ARID1B: variants seen among roughly 807,000 people sequenced by gnomAD.
ARID1B encodes the protein AT-rich interaction domain 1B, also known as AT-rich interactive domain-containing protein 1B.
Under a neutral mutation model 212.3 loss-of-function variants are expected in ARID1B, and 30 were observed. The observed-to-expected ratio is 0.14, with a 90% confidence interval of 0.11 to 0.19. ARID1B has a LOEUF of 0.19. Among genes scored for constraint, ARID1B ranks in the 10% least tolerant of loss-of-function variants. The pLI is 1.00. For synonymous variants in ARID1B, 1,402 were observed against 1,301.7 expected, an observed-to-expected ratio of 1.08 and a Z score of -1.66; for missense variants, 2,891 against 3,204.0, an observed-to-expected ratio of 0.90 and a Z score of 2.36.
intron 4 of ARID1B, among the ~76,000 whole-genome samples, chr6:156,958,319 T>G (rs966568584): frequency 1.3e-5 from 2 of 152,260 alleles, no homozygotes; most frequent in Non-Finnish European, 1.5e-5. Context: ...TAGGAATGAG[T>G]AATACTGATT....
At chr6:157,151,104 A>G (rs983000922) in intron 8 of ARID1B, 1 of 153,714 alleles carries the variant, frequency 6.5e-6, no homozygotes, top group East Asian at 1.9e-4. Flanking sequence ...CTGTCTGTGC[A>G]TGGCTTTCGG....
rs1185881393 is a variant in ARID1B at position 157,167,150 on chromosome 6, A to G, written c.3200A>G (p.Tyr1067Cys). Residue 1067 changes from tyrosine (Y) to cysteine (C), a missense_variant, in exon 9 of 20, where the codon TAC becomes TGC. By Grantham distance (194) the Tyr-to-Cys change is radical. Transcript: ENST00000636930. ...CTGATGAACACGCAGGCGCCGCCCT[A>G]CAGCATGGCGCCCGCCATGGTGAAC... is the stretch of plus-strand genomic sequence containing the variant. ...SSLMNTQAPP[Y>C]SMAPAMVNSS... is the part of the protein sequence containing the mutation. 1.2e-6 allele frequency: 2 copies of G among 1,610,032 alleles called. No homozygotes were observed. The highest frequency in any genetic ancestry group is 1.3e-5 in the African/African-American group (1 of 75,048).
chr6:156,802,285 A>G (rs1300399575), intron 1 of ARID1B, among the ~76,000 whole-genome samples: 1 of 152,238 alleles, frequency 6.6e-6, no homozygotes, highest in African/African-American at 2.4e-5. Flanking sequence ...TCATCATTAG[A>G]TGAAGCAAAA....
intron 4 of ARID1B, among the ~76,000 whole-genome samples, chr6:157,056,029 T>G (rs990594154): frequency 6.6e-6 from 1 of 152,216 alleles, no homozygotes; most frequent in Non-Finnish European, 1.5e-5. Flanking sequence ...GAATATCTCC[T>G]TTTATTAACA....
rs998341965 is a variant in ARID1B at position 157,137,758 on chromosome 6, C to A, written c.2761+4551C>A. On this transcript the variant is annotated intron_variant, in intron 7 of 19. Coordinates refer to ENST00000636930, the MANE Select transcript of ARID1B (RefSeq NM_001374828.1). ...CCTATGGGAGTCTGGGAAGGGCCAC[C>A]ACACACAGCCATATGGGTCGTGCTG... 1.7e-4 allele frequency among the ~76,000 whole-genome samples: 26 copies of A among 152,178 alleles called. 1 individual carries two copies. The highest frequency in any genetic ancestry group is 1.5e-5 in the Non-Finnish European group (1 of 68,036).
At chr6:157,065,973 A>G (rs901460427) in intron 4 of ARID1B, among the ~76,000 whole-genome samples, 3 of 152,194 alleles carry the variant, frequency 2.0e-5, no homozygotes, top group Non-Finnish European at 2.9e-5. Context: ...CAGGACCCCA[A>G]AAGCCCTCTT....
chr6:156,876,036 A>G (rs961222442), intron 2 of ARID1B, among the ~76,000 whole-genome samples: 2 of 151,958 alleles, frequency 1.3e-5, no homozygotes, highest in African/African-American at 4.9e-5. Context: ...AGCATCTTTA[A>G]AATTTGTCTG....
At chr6:157,083,395 A>G (rs1187235822) in intron 4 of ARID1B, among the ~76,000 whole-genome samples, 1 of 152,190 alleles carries the variant, frequency 6.6e-6, no homozygotes, top group Non-Finnish European at 1.5e-5. Flanking sequence ...GAGTCCAGTC[A>G]TTGCAACGGG....
chr6:157,016,857 T>C (rs1436237381), intron 4 of ARID1B, among the ~76,000 whole-genome samples: 2 of 152,268 alleles, frequency 1.3e-5, no homozygotes, highest in Non-Finnish European at 2.9e-5. Flanking sequence ...TTTATATCAA[T>C]TGGCCCATGG....
chr6:157,039,510 T>G (rs1781582307), intron 4 of ARID1B, among the ~76,000 whole-genome samples: 1 of 151,826 alleles, frequency 6.6e-6, no homozygotes, highest in Non-Finnish European at 1.5e-5. Context: ...TTTTGTATTT[T>G]TAGTAGAGAC....
chr6:157,093,734 T>C (rs527401842), intron 5 of ARID1B, among the ~76,000 whole-genome samples: 1 of 152,334 alleles, frequency 6.6e-6, no homozygotes, highest in East Asian at 1.9e-4. Context: ...GCCAAATATA[T>C]TACTTCATTT....
chr6:156,920,833 C>T (rs951954840), intron 3 of ARID1B, among the ~76,000 whole-genome samples: 2 of 151,084 alleles, frequency 1.3e-5, no homozygotes, highest in African/African-American at 4.9e-5. Flanking sequence ...GTTTTCTTTT[C>T]TTTCTCTTTT....
intron 3 of ARID1B, among the ~76,000 whole-genome samples, chr6:156,906,724 C>T (rs1384199307): frequency 6.6e-6 from 1 of 152,092 alleles, no homozygotes; most frequent in Admixed American, 6.5e-5. Context: ...CAATGCTTGC[C>T]TTTGCCCATT....
chr6:157,198,717 T>C, intron 16 of ARID1B, 94 bp from the exon 17 acceptor site: 1 of 1,086,016 alleles, frequency 9.2e-7, no homozygotes, highest in Non-Finnish European at 1.4e-6. Flanking sequence ...ACAGAGCTGC[T>C]TGAGGGAGTC....
intron 1 of ARID1B, among the ~76,000 whole-genome samples, chr6:156,828,894 T>A (rs1432677933): frequency 6.6e-6 from 1 of 152,232 alleles, no homozygotes; most frequent in Non-Finnish European, 1.5e-5. Context: ...AGGAGGTGGG[T>A]GAGCTTAACT....
chr6:156,780,914 T>C (rs1779212318), intron 1 of ARID1B, among the ~76,000 whole-genome samples: 1 of 152,218 alleles, frequency 6.6e-6, no homozygotes, highest in Admixed American at 6.5e-5. Flanking sequence ...AAAGCCTTTA[T>C]AAAAGTCTTC....
At chr6:157,014,482 A>G (rs1779790853) in intron 4 of ARID1B, among the ~76,000 whole-genome samples, 1 of 152,216 alleles carries the variant, frequency 6.6e-6, no homozygotes, top group Admixed American at 6.5e-5. Flanking sequence ...GAGGTATGCT[A>G]TGAATTATTG....
chr6:157,032,682 T>G (rs960026812), intron 4 of ARID1B, among the ~76,000 whole-genome samples: 1 of 152,228 alleles, frequency 6.6e-6, no homozygotes, highest in South Asian at 2.1e-4. Context: ...TGGGTAATGT[T>G]ATTATTGACT....
intron 3 of ARID1B, among the ~76,000 whole-genome samples, chr6:156,909,016 C>T (rs567019567): frequency 2.6e-5 from 4 of 152,088 alleles, no homozygotes; most frequent in Admixed American, 6.5e-5. Context: ...CCTCCTCTTC[C>T]GACTTTCTTC....
Sources: gnomAD v4.1 joint callset for allele counts (sites outside exome capture counted in the v4.1 genomes callset) on GRCh38, gnomAD v4.1.1 for gene constraint, MANE v1.5 for transcripts, NCBI Gene and HGNC (gene_info 2026-07-23, HGNC 2026-07-21) for gene names.